Variants in LHX8 observed in about 807,000 individuals in gnomAD.
LHX8 encodes LIM/homeobox protein Lhx8.
LHX8 carries 12 observed loss-of-function variants against 40.3 expected under a neutral mutation model. The observed-to-expected ratio is 0.30, with a 90% CI of 0.19 to 0.48. The LOEUF is 0.48. Ranked by LOEUF, LHX8 falls within the 20% of genes least tolerant of loss-of-function variation. The probability of loss-of-function intolerance (pLI) is 0.99; values close to 1 mark genes in which losing one functional copy is unlikely to be tolerated. For synonymous variants in LHX8, 179 were observed against 162.0 expected (o/e 1.10, Z -0.80); for missense variants, 344 against 433.7 (o/e 0.79, Z 1.84).
chr1:75,182,369 CTTTTTTT>C, the LHX8 span, among the ~76,000 whole-genome samples: 90 of 92,346 alleles, frequency 9.7e-4, no homozygotes, highest in African/African-American at 3.9e-3. Flanking sequence ...TGCCTATTTC[CTTTTTTT>C]TTTTTTTTTT....
chr1:75,140,922 A>G, intron 3 of LHX8, 63 bp from the exon 4 acceptor site: 1 of 1,567,496 alleles, frequency 6.4e-7, no homozygotes, highest in Non-Finnish European at 8.8e-7. Flanking sequence ...ATTGCCCAAT[A>G]CACAAAACCA....
At position 75,148,644 on chromosome 1, in the gene LHX8, T is replaced by A; in HGVS notation, c.742T>A (p.Leu248Met). ...CCCAGATGCACAGACACTCCAGAAA[T>A]TGGCAGAAAGGACAGGCTTGAGCAG... ...NNPDAQTLQK[L>M]AERTGLSRRV... The change falls in exon 7 of 9, where the codon TTG becomes ATG. Residue 248 changes from leucine to methionine, a missense_variant. This residue lies in a region of LHX8 where 147 missense variants were observed against 250.8 expected (regional missense o/e 0.59). Transcript: ENST00000356261. 6.2e-7 allele frequency: 1 copy of A among 1,613,652 alleles called. No individual in the cohort carries two copies. The highest frequency in any genetic ancestry group is 1.7e-5 in the Admixed American group (1 of 59,974).
chr1:75,194,237 T>C, the LHX8 span, among the ~76,000 whole-genome samples: 4 of 152,172 alleles, frequency 2.6e-5, no homozygotes, highest in African/African-American at 9.7e-5. Context: ...GTTCCACCTG[T>C]GTAAGACCCC....
chr1:75,136,837 T>TGGGGGTGGGGGGGGGG, intron 2 of LHX8, 148 bp downstream of exon 2: 1 of 380,964 alleles, frequency 2.6e-6, no homozygotes, highest in Non-Finnish European at 4.8e-6. Context: ...CTGGGTGGGG[T>TGGGGGTGGGGGGGGGG]GGGAAGCTTA....
chr1:75,155,796 T>C (rs575811400), intron 7 of LHX8, among the ~76,000 whole-genome samples: 1 of 152,314 alleles, frequency 6.6e-6, no homozygotes, highest in Admixed American at 6.5e-5. Flanking sequence ...TTTTTTCTTA[T>C]TAAAGACCTG....
the LHX8 span, among the ~76,000 whole-genome samples, chr1:75,174,916 C>T: frequency 6.6e-5 from 10 of 152,136 alleles, no homozygotes; most frequent in African/African-American, 2.2e-4. Flanking sequence ...ATCCATCACT[C>T]GAGCAGTGTA....
At chr1:75,133,751 G>C (rs1481028617), upstream of LHX8, among the ~76,000 whole-genome samples, 1 of 152,138 alleles carries the variant, frequency 6.6e-6, no homozygotes, top group Non-Finnish European at 1.5e-5. Context: ...CAGAAGACAA[G>C]GCTGCTCGGG....
At chr1:75,149,632 C>T (rs544491654) in intron 7 of LHX8, among the ~76,000 whole-genome samples, 2 of 152,130 alleles carry the variant, frequency 1.3e-5, no homozygotes, top group East Asian at 1.9e-4. Context: ...CTCACTGCAG[C>T]GACCTCCAGG....
At chr1:75,190,863 A>T in the LHX8 span, among the ~76,000 whole-genome samples, 2 of 152,206 alleles carry the variant, frequency 1.3e-5, no homozygotes, top group African/African-American at 2.4e-5. Flanking sequence ...AATTCTGTGT[A>T]ATGTAAGATA....
At chr1:75,195,090 C>G in the LHX8 span, among the ~76,000 whole-genome samples, 237 of 152,292 alleles carry the variant, frequency 1.6e-3, 11 homozygotes, top group East Asian at 0.043. Flanking sequence ...ATATCTCTAT[C>G]TATATAATTT....
At chr1:75,186,134 C>A in the LHX8 span, among the ~76,000 whole-genome samples, 1 of 152,026 alleles carries the variant, frequency 6.6e-6, no homozygotes, top group East Asian at 1.9e-4. Flanking sequence ...ATTTATAGAT[C>A]CAATGCTACT....
intron 8 of LHX8, among the ~76,000 whole-genome samples, chr1:75,158,780 T>A (rs1405308): frequency 2.6e-5 from 4 of 152,090 alleles, no homozygotes; most frequent in Non-Finnish European, 4.4e-5. Flanking sequence ...TATGATAATG[T>A]GTTTCTATTT....
At chr1:75,142,424 T>A (rs1648340840) in intron 4 of LHX8, among the ~76,000 whole-genome samples, 1 of 152,152 alleles carries the variant, frequency 6.6e-6, no homozygotes, top group Admixed American at 6.5e-5. Flanking sequence ...ACTATTTACA[T>A]ATAGCTTTGG....
rs997223743 is a variant in LHX8, at chr1:75,143,351, T to A, written c.580+13T>A. ...GAAGTAGAAAATGGTAAATATGTAC[T>A]TAAATACTTTTGAGTCTTTTGAGAC... On this transcript the variant is annotated intron_variant, in intron 5 of 8. Coordinates refer to ENST00000356261, the MANE Select transcript of LHX8 (RefSeq NM_001256114.2). The A allele has an allele frequency of 1.3e-5, 20 of 1,586,374 alleles. No homozygotes were observed. Among genetic ancestry groups the A allele is most frequent in the Non-Finnish European group, 1.6e-5 (18 of 1,158,266 alleles).
rs185222989 is a variant in LHX8 at position 75,128,832 on chromosome 1, G to C, written c.-490+224G>C. 4.5e-4 allele frequency among the ~76,000 whole-genome samples: 68 copies of C among 152,200 alleles called. 1 individual carries two copies. Among genetic ancestry groups the C allele is most frequent in the African/African-American group, 1.6e-3 (67 of 41,528 alleles). The stretch of plus-strand genomic sequence containing the variant: ...AAAAAGGTGTTCATTGTGCATCCTT[G>C]GGCCTAGTTGCCACGACAGAGGTGG... On this transcript the variant is annotated intron_variant, in intron 1 of 9. Coordinates refer to the LHX8 transcript ENST00000294638.
intron 6 of LHX8, among the ~76,000 whole-genome samples, chr1:75,148,277 G>A: frequency 6.6e-6 from 1 of 152,152 alleles, no homozygotes; most frequent in East Asian, 1.9e-4. Context: ...AACAATAAAT[G>A]AAACTCTTGC....
At chr1:75,146,382 C>T (rs957563586) in intron 6 of LHX8, among the ~76,000 whole-genome samples, 2 of 151,940 alleles carry the variant, frequency 1.3e-5, no homozygotes, top group African/African-American at 4.8e-5. Context: ...TTTCAAATAC[C>T]GTCCCATTTG....
At chr1:75,179,661 T>C in the LHX8 span, among the ~76,000 whole-genome samples, 3 of 152,308 alleles carry the variant, frequency 2.0e-5, no homozygotes, top group East Asian at 5.8e-4. Flanking sequence ...AGTCTGTATC[T>C]TTTAATTGGG....
the LHX8 span, among the ~76,000 whole-genome samples, chr1:75,183,556 C>T: frequency 7.2e-5 from 11 of 152,218 alleles, no homozygotes; most frequent in South Asian, 2.1e-3. Flanking sequence ...AAATAAAATC[C>T]TTTCCCTATA....
Sources: gnomAD v4.1 joint callset for allele counts (sites outside exome capture counted in the v4.1 genomes callset) on GRCh38, gnomAD v4.1.1 for gene constraint, gnomAD v4.1.1 regional missense constraint, MANE v1.5 for transcripts, NCBI Gene and HGNC (gene_info 2026-07-23, HGNC 2026-07-21) for gene names.